ZNF480: variants seen among roughly 807,000 people sequenced by gnomAD.
ZNF480 encodes the protein zinc finger protein 480.
Under a neutral mutation model 14.4 loss-of-function variants are expected in ZNF480, and 15 were observed. The ratio of observed to expected loss-of-function variants is 1.04; its 90% CI spans 0.70 to 1.60. The LOEUF is 1.60. ZNF480 is among the 40% of genes most tolerant of loss of function. The pLI, the probability that ZNF480 is intolerant of heterozygous loss-of-function variation, is 0.00. For synonymous variants in ZNF480, 218 were observed against 215.5 expected, an observed-to-expected ratio of 1.01 and a Z score of -0.10; for missense variants, 593 against 629.7, an observed-to-expected ratio of 0.94 and a Z score of 0.62.
Position 52,322,826 on chromosome 19 carries a change from C to G in ZNF480, c.1576C>G (p.Leu526Val). 6.2e-7 allele frequency: 1 copy of G among 1,601,652 alleles called. No individual in the cohort carries two copies. The highest frequency in any genetic ancestry group is 8.5e-7 in the Non-Finnish European group (1 of 1,172,542). ...CAAGGCCTTTAGTCGCATTTCATAC[C>G]TAGCACAACATTGGACAATTCATAT... ...CGKAFSRISYLAQHWTIHMG is the reference protein window; with the variant it reads ...CGKAFSRISYVAQHWTIHMG The change falls in exon 5 of 5, where the codon CTA becomes GTA. Residue 526 changes from leucine (L) to valine (V), a missense_variant. By Grantham distance (32) the Leu-to-Val change is conservative. Coordinates refer to ENST00000595962, the MANE Select transcript of ZNF480 (RefSeq NM_144684.4).
At chr19:52,316,356 A>G (rs958209705) in intron 4 of ZNF480, among the ~76,000 whole-genome samples, 67 of 151,958 alleles carry the variant, frequency 4.4e-4, no homozygotes, top group African/African-American at 1.6e-3. Flanking sequence ...CCTTCCAGGT[A>G]TCTATGATTA....
At position 52,322,590 on chromosome 19, in the gene ZNF480, T is replaced by C. The variant is rs1347698992; in HGVS notation, c.1340T>C (p.Val447Ala). 1 of 1,613,102 alleles carries C rather than the reference T, an allele frequency of 6.2e-7. No individual in the cohort carries two copies. The highest frequency in any genetic ancestry group is 1.7e-5 in the Admixed American group (1 of 59,904). The change falls in exon 5 of 5, where the codon GTA becomes GCA. Residue 447 changes from valine to alanine, a missense_variant. Val to Ala is a moderately conservative substitution (Grantham distance 64). Transcript: ENST00000595962. ...SEYSGLSAHL[V>A]IHTGEKPYKC... ...TATTCAGGCCTTTCAGCCCATCTTG[T>C]AATCCACACTGGAGAGAAGCCTTAC...
Position 52,321,881 on chromosome 19 carries a change from G to A in ZNF480, c.631G>A (p.Val211Ile), listed in dbSNP as rs1983834742. The A allele has an allele frequency of 6.2e-7, 1 of 1,614,026 alleles. No homozygotes were observed. The highest frequency in any genetic ancestry group is 1.7e-5 in the Admixed American group (1 of 59,990). Residue 211 changes from valine (V) to isoleucine (I), a missense_variant, in exon 5 of 5, where the codon GTC becomes ATC. Val to Ile is a conservative substitution (Grantham distance 29). Coordinates refer to ENST00000595962, the MANE Select transcript of ZNF480 (RefSeq NM_144684.4). ...TTATGAATGTAATGAGCATAGCAAAGTCTTTAGAGTATCTTCCAGCCTTAC... is the reference window on the plus strand; with the variant it reads ...TTATGAATGTAATGAGCATAGCAAAATCTTTAGAGTATCTTCCAGCCTTAC... ...KPYECNEHSK[V>I]FRVSSSLTKH...
chr19:52,297,457 G>T (rs1295120308), intron 1 of ZNF480, among the ~76,000 whole-genome samples: 5 of 151,750 alleles, frequency 3.3e-5, no homozygotes, highest in Non-Finnish European at 7.4e-5. Flanking sequence ...ACCTCCTGTC[G>T]CGGAGTTTTC....
chr19:52,314,293 C>T lies in ZNF480; in HGVS notation c.199+14C>T, dbSNP rs1983439720. The T allele has an allele frequency of 6.6e-7, 1 of 1,518,754 alleles. No individual in the cohort carries two copies. The highest frequency in any genetic ancestry group is 8.9e-7 in the Non-Finnish European group (1 of 1,126,546). 94.1% of individuals were successfully genotyped at this position (1,518,754 alleles called of 1,614,324 possible). A position where few individuals can be genotyped will look rare whatever the true frequency, so the allele number is the denominator to read the frequency against. ...TGGTCTCCCTGGGTGAGGATCATGC[C>T]CCTGCAGAAGCCGGGATCTGCCCTT... On this transcript the variant is annotated intron_variant, in intron 3 of 4. Transcript: ENST00000595962.
chr19:52,311,523 A>C (rs1983286817), intron 2 of ZNF480, among the ~76,000 whole-genome samples: 1 of 152,108 alleles, frequency 6.6e-6, no homozygotes, highest in Non-Finnish European at 1.5e-5. Context: ...ATTGGAGTTC[A>C]ACTTTCTGTG....
At chr19:52,303,147 T>A (rs1600213269) in intron 2 of ZNF480, among the ~76,000 whole-genome samples, 1 of 152,182 alleles carries the variant, frequency 6.6e-6, no homozygotes, top group Non-Finnish European at 1.5e-5. Flanking sequence ...AGCTACAAGC[T>A]CCGATTTTTG....
intron 2 of ZNF480, 101 bp downstream of exon 2, chr19:52,300,585 C>G (rs966789538): frequency 1.1e-5 from 18 of 1,579,964 alleles, no homozygotes; most frequent in Non-Finnish European, 1.5e-5. Flanking sequence ...TCCTGCCTGA[C>G]AGGTTTGCTC....
intron 2 of ZNF480, among the ~76,000 whole-genome samples, chr19:52,305,340 TC>T (rs1982879822): frequency 6.6e-6 from 1 of 152,168 alleles, no homozygotes; most frequent in Non-Finnish European, 1.5e-5. Flanking sequence ...AATAGTTATT[TC>T]ACAGGTAGGA....
chr19:52,323,245 A>G lies in ZNF480; in HGVS notation c.*387A>G, dbSNP rs960198281. The G allele has an allele frequency of 3.0e-5, 5 of 165,304 alleles. No individual in the cohort carries two copies. Among genetic ancestry groups the G allele is most frequent in the African/African-American group, 7.2e-5 (3 of 41,692 alleles). The allele number at this position is 165,304 out of a possible 1,614,324, so 10.2% of individuals were successfully genotyped here. A position where few individuals can be genotyped will look rare whatever the true frequency, so the allele number is the denominator to read the frequency against. On this transcript the variant is annotated 3_prime_UTR_variant, in exon 5 of 5. Coordinates refer to ENST00000595962, the MANE Select transcript of ZNF480 (RefSeq NM_144684.4). ...TCCTTGAAAGATATAACCCCCCAAG[A>G]TTGAACCAAGAAGAAATTGCATCCC...
In ZNF480 at chr19:52,323,027, T is replaced by C; in HGVS notation, c.*169T>C. On this transcript the variant is annotated 3_prime_UTR_variant, in exon 5 of 5. Coordinates refer to ENST00000595962, the MANE Select transcript of ZNF480 (RefSeq NM_144684.4). The stretch of plus-strand genomic sequence containing the variant: ...TTAGAGAATTTATACTGGAGAGACT[T>C]CACAATTATAATAAATGTGTGGAAA... 1 of 506,720 alleles carries C rather than the reference T, an allele frequency of 2.0e-6. No individual in the cohort carries two copies. The highest frequency in any genetic ancestry group is 3.3e-6 in the Non-Finnish European group (1 of 306,874). The allele number at this position is 506,720 out of a possible 1,614,324, so 31.4% of individuals were successfully genotyped here. A position where few individuals can be genotyped will look rare whatever the true frequency, so the allele number is the denominator to read the frequency against.
In ZNF480 at chr19:52,309,916, G is replaced by A. The variant is rs1046878457; in HGVS notation, c.73-4237G>A. ...TAACACAGGTCTGGAATGTCTTCTA[G>A]TTAGGGGCCATTTCCTAAGGGAGAT... On this transcript the variant is annotated intron_variant, in intron 2 of 4. Transcript: ENST00000595962. Among the ~76,000 whole-genome samples the A allele has an allele frequency of 2.0e-5, 3 of 152,120 alleles. No homozygotes were observed. The South Asian group carries it at 6.2e-4, about 32-fold the overall frequency.
rs898062518 is a variant in ZNF480 at position 52,324,189 on chromosome 19, A to C, written c.*1331A>C. 1.3e-5 allele frequency: 2 copies of C among 152,214 alleles called. No individual in the cohort carries two copies. The highest frequency in any genetic ancestry group is 4.8e-5 in the African/African-American group (2 of 41,464). The allele number at this position is 152,214 out of a possible 1,614,324, so 9.4% of individuals were successfully genotyped here. ...TGAACCAAATCAAGAATGGAATCCC[A>C]TTCACAGTAGCCACAAAAAGTATAA... On this transcript the variant is annotated 3_prime_UTR_variant, in exon 5 of 5. Transcript: ENST00000595962.
chr19:52,324,436 T>G lies in ZNF480; in HGVS notation c.*1578T>G, dbSNP rs1274486451. ...TTTTTCACAGAATCAGAAGAAAACA[T>G]TCTGAAATTTATTTGGAACCAGAAA... On this transcript the variant is annotated 3_prime_UTR_variant, in exon 5 of 5. Transcript: ENST00000595962. 3 of 152,130 alleles carry G rather than the reference T, an allele frequency of 2.0e-5. No individual in the cohort carries two copies. Among genetic ancestry groups the G allele is most frequent in the Non-Finnish European group, 2.9e-5 (2 of 68,030 alleles). 9.4% of individuals were successfully genotyped at this position (152,130 alleles called of 1,614,324 possible).
At chr19:52,299,297 G>A (rs1982570312) in intron 1 of ZNF480, among the ~76,000 whole-genome samples, 1 of 152,164 alleles carries the variant, frequency 6.6e-6, no homozygotes, top group South Asian at 2.1e-4. Context: ...AACAAAATGT[G>A]TGGGGATTTC....
chr19:52,304,495 C>A (rs1982835742), intron 2 of ZNF480, among the ~76,000 whole-genome samples: 2 of 152,102 alleles, frequency 1.3e-5, no homozygotes, highest in South Asian at 4.1e-4. Context: ...CCTCCAGTTT[C>A]TCTTTACTTA....
intron 2 of ZNF480, chr19:52,301,379 T>C (rs977382753): frequency 6.6e-6 from 1 of 152,206 alleles, no homozygotes; most frequent in African/African-American, 2.4e-5. Flanking sequence ...TCCTTCAGTT[T>C]TGTAATATCT....
intron 3 of ZNF480, 23 bp from the exon 4 acceptor site, chr19:52,315,811 T>C (rs111400488): frequency 6.2e-7 from 1 of 1,600,134 alleles, no homozygotes; most frequent in Non-Finnish European, 8.5e-7. Context: ...ACAGCACATT[T>C]TGATTTTTTT....
chr19:52,297,324 G>T (rs1332838967), intron 1 of ZNF480, 101 bp downstream of exon 1: 2 of 405,302 alleles, frequency 4.9e-6, no homozygotes, highest in South Asian at 1.7e-5. Flanking sequence ...TCCTCGCACC[G>T]CTCCCTCTAC....
Sources: gnomAD v4.1 joint callset for allele counts (sites outside exome capture counted in the v4.1 genomes callset) on GRCh38, gnomAD v4.1.1 for gene constraint, MANE v1.5 for transcripts, NCBI Gene and HGNC (gene_info 2026-07-23, HGNC 2026-07-21) for gene names.